SMARCAD1: variants seen among roughly 807,000 people sequenced by gnomAD.
SMARCAD1 encodes SWI/SNF-related matrix-associated actin-dependent regulator of chromatin subfamily A containing DEAD/H box 1.
SMARCAD1 carries 25 observed loss-of-function variants against 127.1 expected under a neutral mutation model. That is an observed-to-expected ratio of 0.20 (90% CI 0.14 to 0.27). The LOEUF is 0.27. Among genes scored for constraint, SMARCAD1 ranks in the 10% least tolerant of loss-of-function variants. The pLI is 1.00. For synonymous variants in SMARCAD1, 400 were observed against 396.9 expected (o/e 1.01, Z -0.09); for missense variants, 807 against 1,206.0 (o/e 0.67, Z 4.90).
At chr4:94,250,620 A>G (rs1749142141) in intron 7 of SMARCAD1, 132 bp from the exon 8 acceptor site, 1 of 589,462 alleles carries the variant, frequency 1.7e-6, no homozygotes, top group African/African-American at 1.9e-5. Flanking sequence ...AGCAGTGTAA[A>G]AACAAGTGCA....
At chr4:94,284,064 G>A (rs1754493005) in intron 22 of SMARCAD1, among the ~76,000 whole-genome samples, 2 of 151,924 alleles carry the variant, frequency 1.3e-5, no homozygotes, top group Admixed American at 1.3e-4. Flanking sequence ...GCTCACACCT[G>A]TAATCCTAGC....
rs745572334 is a variant in SMARCAD1, at chr4:94,290,976, G to C, written c.*1442G>C. 2.2e-6 allele frequency: 1 copy of C among 450,286 alleles called. No homozygotes were observed. Among genetic ancestry groups the C allele is most frequent in the African/African-American group, 2.0e-5 (1 of 49,770 alleles). The allele number at this position is 450,286 out of a possible 1,614,324, so 27.9% of individuals were successfully genotyped here. On this transcript the variant is annotated 3_prime_UTR_variant, in exon 24 of 24. Transcript: ENST00000354268. ...GAACTCACGGCTTAACCCCAGTCTT[G>C]ATGGTATATTGAACAGACTGAATAT...
intron 16 of SMARCAD1, among the ~76,000 whole-genome samples, chr4:94,277,545 G>A (rs1753477345): frequency 6.6e-6 from 1 of 151,884 alleles, no homozygotes. Context: ...AGAATATCCA[G>A]AAAATGCCTA....
chr4:94,233,495 G>A (rs1746160638), intron 3 of SMARCAD1, among the ~76,000 whole-genome samples: 1 of 152,148 alleles, frequency 6.6e-6, no homozygotes, highest in South Asian at 2.1e-4. Flanking sequence ...TATATTCAAT[G>A]GGACCATTCT....
intron 4 of SMARCAD1, among the ~76,000 whole-genome samples, chr4:94,234,667 T>C (rs143631155): frequency 8.5e-5 from 13 of 152,326 alleles, no homozygotes; most frequent in African/African-American, 2.6e-4. Flanking sequence ...AATTGACCAA[T>C]TTAGTTTTAG....
At chr4:94,208,873 C>T (rs961144477) in intron 2 of SMARCAD1, among the ~76,000 whole-genome samples, 9 of 152,102 alleles carry the variant, frequency 5.9e-5, no homozygotes, top group South Asian at 4.1e-4. Flanking sequence ...ATTGGAAGAG[C>T]GATGTCAGTG....
intron 9 of SMARCAD1, among the ~76,000 whole-genome samples, chr4:94,254,116 G>A (rs568760043): frequency 1.3e-5 from 2 of 152,080 alleles, no homozygotes; most frequent in Admixed American, 1.3e-4. Context: ...GAAAAATACA[G>A]AAACAACATT....
rs111425618 is a variant in SMARCAD1, at chr4:94,276,351, G to A, written c.1821G>A (p.Ala607=). 19 of 1,614,054 alleles carry A rather than the reference G, an allele frequency of 1.2e-5. No individual in the cohort carries two copies. Among genetic ancestry groups the A allele is most frequent in the South Asian group, 2.2e-5 (2 of 91,076 alleles). ...YNVIVTTYNC[A]ISSSDDRSLF... is the part of the protein sequence containing the mutation. ...CTTTTGGTGACAGATATAACTGTGC[G>A]ATCAGCAGTTCTGATGACCGTAGTC... The change falls in exon 15 of 24, where the codon GCG becomes GCA. Residue 607 remains alanine, a synonymous_variant. Coordinates refer to ENST00000354268, the MANE Select transcript of SMARCAD1 (RefSeq NM_020159.5).
chr4:94,243,015 C>G (rs1747835008), intron 6 of SMARCAD1, among the ~76,000 whole-genome samples: 1 of 152,150 alleles, frequency 6.6e-6, no homozygotes, highest in South Asian at 2.1e-4. Flanking sequence ...TCCTGTCGCC[C>G]AGGCATGATC....
At chr4:94,267,244 T>C (rs1751864843) in intron 10 of SMARCAD1, among the ~76,000 whole-genome samples, 1 of 152,160 alleles carries the variant, frequency 6.6e-6, no homozygotes, top group African/African-American at 2.4e-5. Context: ...GTCAGTGATG[T>C]GAACGCAAAT....
chr4:94,240,898 T>C lies in SMARCAD1; in HGVS notation c.605-8T>C. ...GCAAAGTTTGAGTGTGCTGCTCTGCTTTAAAAGGTGGTGGGCCCAGGAAAA... is the reference window on the plus strand; with the variant it reads ...GCAAAGTTTGAGTGTGCTGCTCTGCCTTAAAAGGTGGTGGGCCCAGGAAAA... On this transcript the variant is annotated splice_region_variant and splice_polypyrimidine_tract_variant and intron_variant, in intron 5 of 23. Transcript: ENST00000354268. 6.2e-7 allele frequency: 1 copy of C among 1,610,328 alleles called. No individual in the cohort carries two copies. Among genetic ancestry groups the C allele is most frequent in the Admixed American group, 1.7e-5 (1 of 59,980 alleles).
intron 6 of SMARCAD1, among the ~76,000 whole-genome samples, chr4:94,248,762 C>G (rs1314905868): frequency 6.6e-6 from 1 of 152,098 alleles, no homozygotes; most frequent in African/African-American, 2.4e-5. Context: ...TTATTGGTCT[C>G]TGTTTTATGA....
At chr4:94,237,472 C>T (rs372578896) in intron 5 of SMARCAD1, among the ~76,000 whole-genome samples, 1 of 147,744 alleles carries the variant, frequency 6.8e-6, no homozygotes. Context: ...TAAATGCTGA[C>T]TCGATTTTTT....
chr4:94,228,977 A>G (rs960169217), intron 3 of SMARCAD1, among the ~76,000 whole-genome samples: 5 of 152,134 alleles, frequency 3.3e-5, no homozygotes, highest in African/African-American at 7.2e-5. Context: ...TGGAAAGACT[A>G]CTACATACTA....
In SMARCAD1 at chr4:94,239,567, T is replaced by TG. The variant is rs1025888630; in HGVS notation, c.605-1339_605-1338insG. 9.9e-5 allele frequency among the ~76,000 whole-genome samples: 15 copies of TG among 151,562 alleles called. No individual in the cohort carries two copies. In the East Asian group the frequency reaches 2.9e-3, roughly 29 times the overall value. On this transcript the variant is annotated intron_variant, in intron 5 of 23. Coordinates refer to ENST00000354268, the MANE Select transcript of SMARCAD1 (RefSeq NM_020159.5). ...CTCTCTAGCTGCCCTGTTGTGTTTTTTTTTTTTTTTAATTTTTTATTTTGA... is the reference window on the plus strand; with the variant it reads ...CTCTCTAGCTGCCCTGTTGTGTTTTTGTTTTTTTTTTAATTTTTTATTTTGA...
In SMARCAD1 at chr4:94,290,130, T is replaced by A; in HGVS notation, c.*596T>A. ...CATCCCCCAGGTCCTCTCAAGTACT[T>A]CTGCTGAAACAAATTTATTTGGCTA... On this transcript the variant is annotated 3_prime_UTR_variant, in exon 24 of 24. Transcript: ENST00000354268. 2.2e-6 allele frequency: 1 copy of A among 454,520 alleles called. No homozygotes were observed. The highest frequency in any genetic ancestry group is 1.6e-5 in the South Asian group (1 of 64,476). 28.2% of individuals were successfully genotyped at this position (454,520 alleles called of 1,614,324 possible).
chr4:94,278,914 C>A lies in SMARCAD1; in HGVS notation c.2297-15C>A. The A allele has an allele frequency of 6.2e-7, 1 of 1,613,488 alleles. No individual in the cohort carries two copies. The highest frequency in any genetic ancestry group is 1.3e-5 in the African/African-American group (1 of 75,032). ...GCTTGGTTTTATTTTTTACTGTGTT[C>A]TCTTTGAGTCACAGAAAAAAACACA... is the stretch of plus-strand genomic sequence containing the variant. On this transcript the variant is annotated splice_polypyrimidine_tract_variant and intron_variant, in intron 18 of 23. Transcript: ENST00000354268.
intron 5 of SMARCAD1, among the ~76,000 whole-genome samples, chr4:94,239,588 T>G (rs1747269296): frequency 6.6e-6 from 1 of 151,552 alleles, no homozygotes; most frequent in South Asian, 2.1e-4. Flanking sequence ...AATTTTTTAT[T>G]TTGAGACAGG....
intron 3 of SMARCAD1, among the ~76,000 whole-genome samples, chr4:94,228,494 C>A (rs942422836): frequency 6.6e-6 from 1 of 152,102 alleles, no homozygotes; most frequent in South Asian, 2.1e-4. Context: ...ATCTAATATA[C>A]TTTTCATATT....
Sources: gnomAD v4.1 joint callset for allele counts (sites outside exome capture counted in the v4.1 genomes callset) on GRCh38, gnomAD v4.1.1 for gene constraint, MANE v1.5 for transcripts, NCBI Gene and HGNC (gene_info 2026-07-23, HGNC 2026-07-21) for gene names.